CELSR1: variants seen among roughly 807,000 people sequenced by gnomAD.
CELSR1 encodes cadherin EGF LAG seven-pass G-type receptor 1.
Under a neutral mutation model 249.1 loss-of-function variants are expected in CELSR1, and 110 were observed. The ratio of observed to expected loss-of-function variants is 0.44; its 90% CI spans 0.38 to 0.52. The LOEUF is 0.52. CELSR1 is among the 20% of genes least tolerant of loss of function. The probability of loss-of-function intolerance (pLI) is 0.00; values close to 1 mark genes in which losing one functional copy is unlikely to be tolerated. For synonymous variants in CELSR1, 2,113 were observed against 1,900.0 expected (o/e 1.11, Z -2.92); for missense variants, 4,109 against 4,296.4 (o/e 0.96, Z 1.22).
chr22:46,507,581 C>G (rs1308902936), intron 1 of CELSR1, among the ~76,000 whole-genome samples: 1 of 152,182 alleles, frequency 6.6e-6, no homozygotes, highest in Non-Finnish European at 1.5e-5. Context: ...CTCCCCAACC[C>G]CTCACCAGGC....
Position 46,391,407 on chromosome 22 carries a change from C to T in CELSR1, c.6149-120G>A. 1.1e-6 allele frequency: 1 copy of T among 948,672 alleles called. No homozygotes were observed. The highest frequency in any genetic ancestry group is 1.6e-6 in the Non-Finnish European group (1 of 639,590). The allele number at this position is 948,672 out of a possible 1,614,324, so 58.8% of individuals were successfully genotyped here. On this transcript the variant is annotated intron_variant, in intron 15 of 34. Transcript: ENST00000674500. The surrounding 1 kb of genome is among the most constrained non-coding windows in gnomAD (Gnocchi z 4.3). ...GCCCTGCTCCCACCAAGAACCGAAC[C>T]CTAGCATCTCCCCTGCCCCCATCCA... is the stretch of plus-strand genomic sequence containing the variant.
chr22:46,421,123 C>T (rs936987450), intron 5 of CELSR1, among the ~76,000 whole-genome samples: 2 of 152,308 alleles, frequency 1.3e-5, no homozygotes, highest in Admixed American at 6.5e-5. Context: ...ATGAGGATCA[C>T]GTGGGGGACA....
At chr22:46,514,672 A>T (rs1468734853) in intron 1 of CELSR1, among the ~76,000 whole-genome samples, 1 of 152,162 alleles carries the variant, frequency 6.6e-6, no homozygotes, top group Non-Finnish European at 1.5e-5. Context: ...ATCAAAGAGA[A>T]GAGTCACTCC....
intron 1 of CELSR1, among the ~76,000 whole-genome samples, chr22:46,516,137 G>A (rs1055125382): frequency 6.6e-6 from 1 of 152,120 alleles, no homozygotes; most frequent in Admixed American, 6.5e-5. Context: ...AAATCATGCT[G>A]CTATAAAGAC....
At position 46,535,446 on chromosome 22, in the gene CELSR1, C is replaced by G; in HGVS notation, c.1725G>C (p.Leu575=). 6.2e-7 allele frequency: 1 copy of G among 1,608,826 alleles called. No individual in the cohort carries two copies. The highest frequency in any genetic ancestry group is 8.5e-7 in the Non-Finnish European group (1 of 1,177,696). ...FVSSPFQATV[L]ENVPLGYPVV... The stretch of plus-strand genomic sequence containing the variant: ...CGGGGTAGCCCAGGGGCACATTCTC[C>G]AGCACCGTGGCCTGGAAGGGGCTGC... The change falls in exon 1 of 35, where the codon CTG becomes CTC. Residue 575 remains leucine (L), a synonymous_variant. Transcript: ENST00000674500.
chr22:46,394,941 C>T (rs904950627), intron 13 of CELSR1, among the ~76,000 whole-genome samples: 1 of 152,234 alleles, frequency 6.6e-6, no homozygotes, highest in Non-Finnish European at 1.5e-5. Flanking sequence ...CTACCTGTTC[C>T]TGACAGGGCT....
At chr22:46,384,268 C>T (rs941105075) in intron 20 of CELSR1, among the ~76,000 whole-genome samples, 2 of 152,180 alleles carry the variant, frequency 1.3e-5, no homozygotes, top group African/African-American at 2.4e-5. Flanking sequence ...TTCATGCTTA[C>T]GCTCCAATGA....
chr22:46,529,899 T>C (rs1569221843), intron 1 of CELSR1, among the ~76,000 whole-genome samples: 3 of 151,868 alleles, frequency 2.0e-5, no homozygotes, highest in South Asian at 4.1e-4. Flanking sequence ...TAAAAGAGTA[T>C]AATTGGACTG....
rs1569141885 is a variant in CELSR1, at chr22:46,408,985, G to GC, written c.5226+10dup. The GC allele has an allele frequency of 5.6e-6, 9 of 1,597,410 alleles. No homozygotes were observed. Among genetic ancestry groups the GC allele is most frequent in the Non-Finnish European group, 7.7e-6 (9 of 1,172,978 alleles). ...CTAGCAGGTGCCTTGGTGGCACGGG[G>GC]CCCCAGTCACCTGGAGGCGAAAGCT... is the stretch of plus-strand genomic sequence containing the variant. On this transcript the variant is annotated intron_variant, in intron 9 of 34. Coordinates refer to ENST00000674500, the MANE Select transcript of CELSR1 (RefSeq NM_001378328.1). The surrounding 1 kb of genome is among the most constrained non-coding windows in gnomAD (Gnocchi z 4.6).
In CELSR1 at chr22:46,506,307, C is replaced by A. The variant is rs2080514655; in HGVS notation, c.3544+27320G>T. ...CTCCAAGCCTGGCACCTCCACCGTGCCTGGCCTGGGGGAGCAGCAGAGCCC... is the reference window on the plus strand; with the variant it reads ...CTCCAAGCCTGGCACCTCCACCGTGACTGGCCTGGGGGAGCAGCAGAGCCC... On this transcript the variant is annotated intron_variant, in intron 1 of 34. Transcript: ENST00000674500. This position sits in a 1 kb window ranked among gnomAD's most constrained non-coding sequence, Gnocchi z 4.1. 6.6e-6 allele frequency among the ~76,000 whole-genome samples: 1 copy of A among 152,236 alleles called. No homozygotes were observed. Among genetic ancestry groups the A allele is most frequent in the African/African-American group, 2.4e-5 (1 of 41,458 alleles).
intron 1 of CELSR1, among the ~76,000 whole-genome samples, chr22:46,475,618 C>T (rs373340200): frequency 1.2e-4 from 18 of 144,240 alleles, no homozygotes; most frequent in South Asian, 2.3e-4. Context: ...CAAGATGGTT[C>T]GTTTTATAAA....
At chr22:46,477,941 C>A (rs2080226665) in intron 1 of CELSR1, among the ~76,000 whole-genome samples, 1 of 152,172 alleles carries the variant, frequency 6.6e-6, no homozygotes, top group Non-Finnish European at 1.5e-5. Flanking sequence ...CGGGAGGATG[C>A]TGGGCAGCAC....
chr22:46,431,813 C>T (rs771673788), intron 5 of CELSR1, among the ~76,000 whole-genome samples: 1 of 152,210 alleles, frequency 6.6e-6, no homozygotes, highest in Non-Finnish European at 1.5e-5. Context: ...AATAAATCCG[C>T]GTCTGTGAGG....
Position 46,535,890 on chromosome 22 carries a change from C to T in CELSR1, c.1281G>A (p.Val427=). ...GATTGCGCCCCTGGTCGTTGGCCTC[C>T]ACCAGGAGCTGGTACTCGGCCGCCT... The part of the protein sequence containing the change: ...REEAAEYQLL[V]EANDQGRNPG... The change falls in exon 1 of 35, where the codon GTG becomes GTA. Residue 427 remains valine, a synonymous_variant. Transcript: ENST00000674500. The T allele has an allele frequency of 6.2e-7, 1 of 1,609,876 alleles. No homozygotes were observed. The highest frequency in any genetic ancestry group is 1.1e-5 in the South Asian group (1 of 91,022).
intron 9 of CELSR1, among the ~76,000 whole-genome samples, chr22:46,404,267 C>G (rs960684905): frequency 3.3e-5 from 5 of 151,900 alleles, no homozygotes; most frequent in African/African-American, 1.2e-4. Flanking sequence ...CAAAAATTAG[C>G]TGGGCGTGGT....
chr22:46,520,718 T>C (rs958365734), intron 1 of CELSR1, among the ~76,000 whole-genome samples: 1 of 152,178 alleles, frequency 6.6e-6, no homozygotes, highest in Non-Finnish European at 1.5e-5. Context: ...TGCCTCGGCC[T>C]CCCAAAGTGC....
intron 1 of CELSR1, among the ~76,000 whole-genome samples, chr22:46,491,641 T>TA (rs2080368735): frequency 7.9e-6 from 1 of 126,614 alleles, no homozygotes; most frequent in African/African-American, 4.1e-5. Context: ...CTCTCTCTTT[T>TA]TTTTTTTTTT....
intron 2 of CELSR1, among the ~76,000 whole-genome samples, chr22:46,455,418 C>A (rs573604132): frequency 6.6e-6 from 1 of 152,102 alleles, no homozygotes; most frequent in Non-Finnish European, 1.5e-5. Context: ...TTAGTACAGA[C>A]GGTGTTTCAC....
chr22:46,464,996 C>T lies in CELSR1; in HGVS notation c.3545-651G>A, dbSNP rs1185091754. 6.6e-6 allele frequency among the ~76,000 whole-genome samples: 1 copy of T among 152,222 alleles called. No homozygotes were observed. The highest frequency in any genetic ancestry group is 1.5e-5 in the Non-Finnish European group (1 of 68,044). ...CGAGGAGCACCGCTTTACAAAGACA[C>T]ACAGCAGCCTCTCAGCCAGCAGTAA... On this transcript the variant is annotated intron_variant, in intron 1 of 34. Transcript: ENST00000674500. This position sits in a 1 kb window ranked among gnomAD's most constrained non-coding sequence, Gnocchi z 8.5.
Sources: gnomAD v4.1 joint callset for allele counts (sites outside exome capture counted in the v4.1 genomes callset) on GRCh38, gnomAD v4.1.1 for gene constraint, Gnocchi (gnomAD v3.1) non-coding constraint, MANE v1.5 for transcripts, NCBI Gene and HGNC (gene_info 2026-07-23, HGNC 2026-07-21) for gene names.